The following CTDSPL variants were observed in gnomAD, a reference collection of about 807,000 sequenced individuals.
CTDSPL encodes CTD small phosphatase like, also known as CTD small phosphatase-like protein.
A neutral mutation model predicts 30.5 loss-of-function variants in CTDSPL; 8 were observed. The ratio of observed to expected loss-of-function variants is 0.26; its 90% CI spans 0.15 to 0.47. The LOEUF is 0.47. CTDSPL is among the 20% of genes least tolerant of loss of function. The pLI, the probability that CTDSPL is intolerant of heterozygous loss-of-function variation, is 0.99. For missense variants in CTDSPL, 248 were observed against 366.1 expected (o/e 0.68, Z 2.63); for synonymous variants, 110 against 137.9 (o/e 0.80, Z 1.42).
At position 37,862,181 on chromosome 3, in the gene CTDSPL, G is replaced by C; in HGVS notation, c.-19G>C. 1 of 1,155,156 alleles carries C rather than the reference G, an allele frequency of 8.7e-7. No homozygotes were observed. The highest frequency in any genetic ancestry group is 1.6e-5 in the African/African-American group (1 of 61,092). 71.6% of individuals were successfully genotyped at this position (1,155,156 alleles called of 1,614,324 possible). ...TTGCGGGGGGCCGGGCCTGCGGGCG[G>C]CCGCCGCGCCGCGCACCCATGGACG... On this transcript the variant is annotated 5_prime_UTR_variant, in exon 1 of 8. Coordinates refer to ENST00000273179, the MANE Select transcript of CTDSPL (RefSeq NM_001008392.2). The surrounding 1 kb of genome is among the most constrained non-coding windows in gnomAD (Gnocchi z 4.3).
At chr3:37,914,908 G>T (rs1698627920) in intron 1 of CTDSPL, among the ~76,000 whole-genome samples, 2 of 112,418 alleles carry the variant, frequency 1.8e-5, no homozygotes, top group Non-Finnish European at 3.4e-5. Flanking sequence ...TAGAGAAAGG[G>T]TCTCACTCTG....
intron 1 of CTDSPL, among the ~76,000 whole-genome samples, chr3:37,882,758 A>G (rs1698222062): frequency 6.6e-6 from 1 of 152,220 alleles, no homozygotes; most frequent in Admixed American, 6.5e-5. Context: ...CTTTCCTCCA[A>G]TAGGAGAGTA....
At chr3:37,931,634 C>A (rs1216794849) in intron 1 of CTDSPL, among the ~76,000 whole-genome samples, 2 of 152,050 alleles carry the variant, frequency 1.3e-5, no homozygotes, top group Non-Finnish European at 2.9e-5. Context: ...TTTGTAGTGA[C>A]ATGCTTTGAT....
chr3:37,868,815 A>C (rs1322272929), intron 1 of CTDSPL, among the ~76,000 whole-genome samples: 1 of 152,096 alleles, frequency 6.6e-6, no homozygotes, highest in Non-Finnish European at 1.5e-5. Flanking sequence ...GTAGCTAAAT[A>C]ATAAGTCATG....
chr3:37,894,393 C>T (rs1698368268), intron 1 of CTDSPL, among the ~76,000 whole-genome samples: 1 of 152,130 alleles, frequency 6.6e-6, no homozygotes, highest in South Asian at 2.1e-4. Flanking sequence ...AGGCGTGAAC[C>T]ACCAGGCCCA....
At chr3:37,910,800 T>C (rs1243135236) in intron 1 of CTDSPL, among the ~76,000 whole-genome samples, 1 of 152,218 alleles carries the variant, frequency 6.6e-6, no homozygotes, top group African/African-American at 2.4e-5. Flanking sequence ...AGAGTCTGAA[T>C]TACTCCATTC....
At chr3:37,973,929 C>T (rs1288644549) in intron 6 of CTDSPL, among the ~76,000 whole-genome samples, 1 of 152,232 alleles carries the variant, frequency 6.6e-6, no homozygotes, top group Non-Finnish European at 1.5e-5. Flanking sequence ...GGAAATAGAT[C>T]ATCTTTTTCC....
chr3:37,971,947 C>A (rs1699371920), intron 6 of CTDSPL, among the ~76,000 whole-genome samples: 1 of 152,178 alleles, frequency 6.6e-6, no homozygotes, highest in South Asian at 2.1e-4. Context: ...AATGAGAGTT[C>A]CAACTGCCCT....
In CTDSPL at chr3:37,960,505, AATATATAT is replaced by A. The variant is rs1379736177; in HGVS notation, c.267+3386_267+3393del. Among the ~76,000 whole-genome samples, 63 of 38,476 alleles carry A rather than the reference AATATATAT, an allele frequency of 1.6e-3. 1 individual carries two copies. Among genetic ancestry groups the A allele is most frequent in the African/African-American group, 2.9e-3 (27 of 9,266 alleles). The allele number at this position is 38,476 out of a possible 152,430, so 25.2% of individuals were successfully genotyped here. On this transcript the variant is annotated intron_variant, in intron 3 of 7. Transcript: ENST00000273179. ...CAAAAAAAAAAAAAAAAAAAAAAAA[AATATATAT>A]ATATATATATATATATATATATACA...
intron 1 of CTDSPL, among the ~76,000 whole-genome samples, chr3:37,879,642 C>T (rs1352649408): frequency 1.3e-5 from 2 of 152,092 alleles, no homozygotes; most frequent in Non-Finnish European, 2.9e-5. Context: ...CTTAGTTTTC[C>T]TCTGAGATCC....
At chr3:37,898,611 T>G (rs912244986) in intron 1 of CTDSPL, among the ~76,000 whole-genome samples, 1 of 152,164 alleles carries the variant, frequency 6.6e-6, no homozygotes, top group African/African-American at 2.4e-5. Context: ...TGTTTTTTGT[T>G]GCTTGCTTGA....
At chr3:37,887,767 G>A (rs1043688689) in intron 1 of CTDSPL, among the ~76,000 whole-genome samples, 1 of 152,178 alleles carries the variant, frequency 6.6e-6, no homozygotes, top group Non-Finnish European at 1.5e-5. Flanking sequence ...GCAGTTATCA[G>A]TCTAAAAGTT....
rs149581525 is a variant in CTDSPL at position 37,923,370 on chromosome 3, C to T, written c.80-23687C>T. 2.6e-3 allele frequency among the ~76,000 whole-genome samples: 394 copies of T among 152,334 alleles called. 4 individuals carry two copies. The highest frequency in any genetic ancestry group is 8.7e-3 in the African/African-American group (363 of 41,566). ...AAATGCTGTGAAGACTTCCACAGAACTGCCATCCCAACTGATAGTTCAAAT... is the reference window on the plus strand; with the variant it reads ...AAATGCTGTGAAGACTTCCACAGAATTGCCATCCCAACTGATAGTTCAAAT... On this transcript the variant is annotated intron_variant, in intron 1 of 7. Transcript: ENST00000273179.
intron 1 of CTDSPL, among the ~76,000 whole-genome samples, chr3:37,875,320 C>G (rs1181569845): frequency 6.6e-6 from 1 of 152,166 alleles, no homozygotes; most frequent in Non-Finnish European, 1.5e-5. Flanking sequence ...GTAACTGCTT[C>G]TAGTTAAAAA....
At chr3:37,944,779 CTT>C (rs1398016830) in intron 1 of CTDSPL, 1 of 150,298 alleles carries the variant, frequency 6.7e-6, no homozygotes, top group African/African-American at 2.4e-5. Context: ...CTGCTTCACT[CTT>C]TATACAGAGA....
intron 1 of CTDSPL, among the ~76,000 whole-genome samples, chr3:37,900,867 C>G (rs530641980): frequency 2.2e-4 from 34 of 152,242 alleles, no homozygotes; most frequent in Admixed American, 8.5e-4. Flanking sequence ...GGCACAATCT[C>G]GGCTTACTGC....
At chr3:37,946,365 C>A (rs9816588) in intron 1 of CTDSPL, among the ~76,000 whole-genome samples, 16,205 of 152,246 alleles carry the variant, frequency 0.11, 940 homozygotes, top group African/African-American at 0.15. Context: ...TGGGCTTTGC[C>A]CTGGCTGGCC....
chr3:37,961,959 A>G (rs1471168305), intron 3 of CTDSPL, among the ~76,000 whole-genome samples: 1 of 152,208 alleles, frequency 6.6e-6, no homozygotes, highest in Non-Finnish European at 1.5e-5. Flanking sequence ...AGGAACAGGA[A>G]TGAATACCAT....
chr3:37,902,194 G>T (rs1038129575), intron 1 of CTDSPL, among the ~76,000 whole-genome samples: 1 of 152,218 alleles, frequency 6.6e-6, no homozygotes, highest in Non-Finnish European at 1.5e-5. Context: ...AGGAATCAGA[G>T]TTCTATTAGG....
Sources: allele counts gnomAD v4.1 joint callset (sites outside exome capture counted in the v4.1 genomes callset), GRCh38; gene constraint gnomAD v4.1.1; non-coding constraint Gnocchi (gnomAD v3.1); transcripts MANE v1.5; gene names NCBI Gene and HGNC (gene_info 2026-07-23, HGNC 2026-07-21).